Variants in CLTB observed in about 807,000 individuals in gnomAD.
CLTB encodes clathrin light chain B.
CLTB carries 10 observed loss-of-function variants against 30.5 expected under a neutral mutation model. That is an observed-to-expected ratio of 0.33 (90% CI 0.20 to 0.56). CLTB has a LOEUF of 0.56. Among genes scored for constraint, CLTB ranks in the 20% least tolerant of loss-of-function variants. The probability of loss-of-function intolerance (pLI) is 0.91; values close to 1 mark genes in which losing one functional copy is unlikely to be tolerated. For synonymous variants in CLTB, 102 were observed against 120.3 expected, an observed-to-expected ratio of 0.85 and a Z score of 1.00; for missense variants, 261 against 308.3, an observed-to-expected ratio of 0.85 and a Z score of 1.15.
rs746747505 is a variant in CLTB at position 176,416,170 on chromosome 5, G to A, written c.187+7C>T. ...TGAGCCCCTCTCCAGGCCCCGCGCTGACTCACCCCCACTCGTGGGGCCCGG... is the reference window on the plus strand; with the variant it reads ...TGAGCCCCTCTCCAGGCCCCGCGCTAACTCACCCCCACTCGTGGGGCCCGG... On this transcript the variant is annotated splice_region_variant and intron_variant, in intron 1 of 5. Transcript: ENST00000310418. The A allele has an allele frequency of 1.5e-5, 24 of 1,569,950 alleles. No homozygotes were observed. The highest frequency in any genetic ancestry group is 2.0e-5 in the Non-Finnish European group (23 of 1,164,002).
chr5:176,396,620 G>A, intron 4 of CLTB, 88 bp from the exon 5 acceptor site: 1 of 926,536 alleles, frequency 1.1e-6, no homozygotes, highest in African/African-American at 1.6e-5. Flanking sequence ...GAGAGAGAGA[G>A]AGACAGCATT....
Position 176,392,515 on chromosome 5 carries a change from T to C in CLTB, c.*259A>G, listed in dbSNP as rs1027804484. 3 of 500,876 alleles carry C rather than the reference T, an allele frequency of 6.0e-6. No individual in the cohort carries two copies. The highest frequency in any genetic ancestry group is 1.1e-5 in the Non-Finnish European group (3 of 279,584). 31.0% of individuals were successfully genotyped at this position (500,876 alleles called of 1,614,324 possible). On this transcript the variant is annotated 3_prime_UTR_variant, in exon 6 of 6. Coordinates refer to ENST00000310418, the MANE Select transcript of CLTB (RefSeq NM_007097.5). This position sits in a 1 kb window ranked among gnomAD's most constrained non-coding sequence, Gnocchi z 5.2. Reference sequence around the variant, plus strand: ...TGTAAAAAGAGTCAACAACACACCCTTTAAGCCAAGAAAAAAAATACATCA... The same window carrying C: ...TGTAAAAAGAGTCAACAACACACCCCTTAAGCCAAGAAAAAAAATACATCA...
intron 2 of CLTB, among the ~76,000 whole-genome samples, chr5:176,401,435 C>A (rs1756810985): frequency 6.6e-6 from 1 of 152,226 alleles, no homozygotes; most frequent in Non-Finnish European, 1.5e-5. Flanking sequence ...TTTCTCTGTG[C>A]CAGCCCATGT....
At chr5:176,410,491 CT>C (rs1245898750) in intron 1 of CLTB, among the ~76,000 whole-genome samples, 188 bp from the exon 2 acceptor site, 1 of 152,186 alleles carries the variant, frequency 6.6e-6, no homozygotes, top group Non-Finnish European at 1.5e-5. Flanking sequence ...TATAAAGCCT[CT>C]CACAGCCATT....
chr5:176,400,435 G>A (rs1756762265), intron 2 of CLTB, among the ~76,000 whole-genome samples: 1 of 152,272 alleles, frequency 6.6e-6, no homozygotes, highest in South Asian at 2.1e-4. Context: ...GCCAGGACTA[G>A]AGTCCAGGTC....
intron 2 of CLTB, among the ~76,000 whole-genome samples, chr5:176,409,536 C>G (rs1281498707): frequency 6.6e-6 from 1 of 151,576 alleles, no homozygotes; most frequent in African/African-American, 2.4e-5. Context: ...GCCTTAGCCT[C>G]CCGAGTAGCT....
In CLTB at chr5:176,392,889, C is replaced by G; in HGVS notation, c.575G>C (p.Trp192Ser). The change falls in exon 6 of 6, where the codon TGG (tryptophan) becomes TCG (serine). Residue 192 changes from tryptophan (W) to serine (S), a missense_variant. By Grantham distance (177) the Trp-to-Ser change is radical (BLOSUM62 -3). Coordinates refer to ENST00000310418, the MANE Select transcript of CLTB (RefSeq NM_007097.5). The surrounding 1 kb of genome is among the most constrained non-coding windows in gnomAD (Gnocchi z 5.2). Reference sequence around the variant, plus strand: ...GTCACATAGCTGGGCCACCTTCTCCCACTCTGTGCCTGGGGTCTCCTCCTT... The same window carrying G: ...GTCACATAGCTGGGCCACCTTCTCCGACTCTGTGCCTGGGGTCTCCTCCTT... ...ESKEETPGTEWEKVAQLCDFN... is the reference protein window; with the variant it reads ...ESKEETPGTESEKVAQLCDFN... 2 of 1,614,230 alleles carry G rather than the reference C, an allele frequency of 1.2e-6. No individual in the cohort carries two copies. Among genetic ancestry groups the G allele is most frequent in the Non-Finnish European group, 1.7e-6 (2 of 1,180,024 alleles).
rs79333895 is a variant in CLTB, at chr5:176,416,139, G to C, written c.187+38C>G. 1.4e-5 allele frequency: 21 copies of C among 1,473,558 alleles called. No individual in the cohort carries two copies. The South Asian group carries it at 2.8e-4, about 20-fold the overall frequency. The allele number at this position is 1,473,558 out of a possible 1,614,324, so 91.3% of individuals were successfully genotyped here. The stretch of plus-strand genomic sequence containing the variant: ...GCCCCGGCCGGGGTCCCCCGGGTGC[G>C]CGCCCTGAGCCCCTCTCCAGGCCCC... On this transcript the variant is annotated intron_variant, in intron 1 of 5. Transcript: ENST00000310418.
At chr5:176,406,832 C>T in intron 2 of CLTB, 1 of 665,498 alleles carries the variant, frequency 1.5e-6, no homozygotes, top group Non-Finnish European at 2.1e-6. Context: ...TATGCTCAAT[C>T]CTAAAGAGCT....
chr5:176,410,106 A>T (rs1191893690), intron 2 of CLTB, 151 bp downstream of exon 2: 9 of 662,076 alleles, frequency 1.4e-5, no homozygotes, highest in Non-Finnish European at 2.3e-5. Context: ...GACAAAAAAA[A>T]TTCCAAAAAC....
chr5:176,396,225 A>G lies in CLTB; in HGVS notation c.518+254T>C, dbSNP rs576660975. On this transcript the variant is annotated intron_variant, in intron 5 of 5. Transcript: ENST00000310418. ...GTGCTCTGCCATTTGCCCCTCCCAC[A>G]TGGGAATAAGTGGCAAGCACATTCC... 1.3e-4 allele frequency among the ~76,000 whole-genome samples: 20 copies of G among 152,092 alleles called. No individual in the cohort carries two copies. In the South Asian group the frequency reaches 3.7e-3, roughly 28 times the overall value.
At chr5:176,397,489 C>CT (rs1756590928) in intron 4 of CLTB, 118 bp downstream of exon 4, 1 of 645,162 alleles carries the variant, frequency 1.5e-6, no homozygotes, top group Non-Finnish European at 2.6e-6. Flanking sequence ...CCCACAGCTC[C>CT]CTCATGTCCC....
intron 2 of CLTB, among the ~76,000 whole-genome samples, chr5:176,404,548 C>T (rs1026226065): frequency 2.0e-5 from 3 of 152,246 alleles, no homozygotes; most frequent in Non-Finnish European, 4.4e-5. Flanking sequence ...TCTAAACCTC[C>T]GCTGCAGCCT....
chr5:176,412,675 G>A (rs922145176), intron 1 of CLTB, among the ~76,000 whole-genome samples: 3 of 152,098 alleles, frequency 2.0e-5, no homozygotes, highest in Non-Finnish European at 2.9e-5. Flanking sequence ...AATAATCCCC[G>A]GGTGACATAA....
At chr5:176,403,388 T>C (rs1031974427) in intron 2 of CLTB, among the ~76,000 whole-genome samples, 1 of 151,728 alleles carries the variant, frequency 6.6e-6, no homozygotes, top group Admixed American at 6.6e-5. Flanking sequence ...AACTTGCATT[T>C]AAAGGGCTTT....
chr5:176,394,613 G>A (rs551662411), intron 5 of CLTB, among the ~76,000 whole-genome samples: 13 of 151,816 alleles, frequency 8.6e-5, no homozygotes, highest in South Asian at 2.1e-4. Context: ...GTCAGATGGA[G>A]AGCATCCTGG....
At chr5:176,406,140 G>A in intron 2 of CLTB, 1 of 986,350 alleles carries the variant, frequency 1.0e-6, no homozygotes. Context: ...GCCACAACTG[G>A]GCTCTCGTTT....
rs1581447567 is a variant in CLTB, at chr5:176,411,441, CT to C, written c.188-1139del. Among the ~76,000 whole-genome samples, 3 of 152,334 alleles carry C rather than the reference CT, an allele frequency of 2.0e-5. No individual in the cohort carries two copies. In the East Asian group the frequency reaches 5.8e-4, roughly 29 times the overall value. ...GGTGCTGTTCCCTCTGCCTGGAAGG[CT>C]GCTCCCTCACTCCCTTCAGCTTCTG... On this transcript the variant is annotated intron_variant, in intron 1 of 5. Transcript: ENST00000310418.
In CLTB at chr5:176,392,525, G is replaced by A. The variant is rs1322334889; in HGVS notation, c.*249C>T. The A allele has an allele frequency of 3.9e-6, 2 of 509,604 alleles. No homozygotes were observed. The highest frequency in any genetic ancestry group is 1.9e-5 in the African/African-American group (1 of 52,586). The allele number at this position is 509,604 out of a possible 1,614,324, so 31.6% of individuals were successfully genotyped here. A position where few individuals can be genotyped will look rare whatever the true frequency, so the allele number is the denominator to read the frequency against. ...GTCAACAACACACCCTTTAAGCCAA[G>A]AAAAAAAATACATCAGGAGGGACAG... On this transcript the variant is annotated 3_prime_UTR_variant, in exon 6 of 6. Transcript: ENST00000310418. This position sits in a 1 kb window ranked among gnomAD's most constrained non-coding sequence, Gnocchi z 5.2.
Sources: gnomAD v4.1 joint callset for allele counts (sites outside exome capture counted in the v4.1 genomes callset) on GRCh38, gnomAD v4.1.1 for gene constraint, Gnocchi (gnomAD v3.1) non-coding constraint, MANE v1.5 for transcripts, NCBI Gene and HGNC (gene_info 2026-07-23, HGNC 2026-07-21) for gene names.